The following MB21D2 variants were observed in gnomAD, a reference collection of about 807,000 sequenced individuals.
MB21D2 encodes Mab-21 domain containing 2, also known as nucleotidyltransferase MB21D2.
MB21D2 carries 9 observed loss-of-function variants against 33.3 expected under a neutral mutation model. The ratio of observed to expected loss-of-function variants is 0.27; its 90% CI spans 0.16 to 0.47. The LOEUF (loss-of-function observed/expected upper bound fraction) is 0.47. Among genes scored for constraint, MB21D2 ranks in the 20% least tolerant of loss-of-function variants. The pLI, the probability that MB21D2 is intolerant of heterozygous loss-of-function variation, is 0.99. For synonymous variants in MB21D2, 241 were observed against 236.3 expected (o/e 1.02, Z -0.18); for missense variants, 540 against 624.6 (o/e 0.86, Z 1.44).
At position 192,798,645 on chromosome 3, in the gene MB21D2, T is replaced by A. The variant is rs1482477819; in HGVS notation, c.1217A>T (p.Asp406Val). The A allele has an allele frequency of 5.0e-6, 8 of 1,613,452 alleles. No individual in the cohort carries two copies. The highest frequency in any genetic ancestry group is 6.8e-6 in the Non-Finnish European group (8 of 1,180,012). ...HARKLSSVRS[D>V]PAEHLRTAIE... is the part of the protein sequence containing the mutation. ...GGCGGTGCGCAAGTGCTCTGCCGGG[T>A]CTGAGCGCACAGAGGACAGCTTCCG... Residue 406 changes from aspartate to valine, a missense_variant, in exon 2 of 2, where the codon GAC becomes GTC. Physicochemically the swap from Asp to Val is radical, Grantham distance 152 (BLOSUM62 -3). Coordinates refer to ENST00000392452, the MANE Select transcript of MB21D2 (RefSeq NM_178496.4). This position sits in a 1 kb window ranked among gnomAD's most constrained non-coding sequence, Gnocchi z 4.8.
chr3:192,889,932 A>G (rs1457171621), intron 1 of MB21D2, among the ~76,000 whole-genome samples: 1 of 152,094 alleles, frequency 6.6e-6, no homozygotes, highest in African/African-American at 2.4e-5. Flanking sequence ...TTAGTCAGTT[A>G]GGAAAAAAAA....
intron 1 of MB21D2, among the ~76,000 whole-genome samples, chr3:192,901,221 C>T (rs142365105): frequency 3.3e-5 from 5 of 152,090 alleles, no homozygotes; most frequent in Admixed American, 1.3e-4. Flanking sequence ...TGAGGTTCTA[C>T]ATTGTCCAGA....
intron 1 of MB21D2, among the ~76,000 whole-genome samples, chr3:192,828,615 T>C (rs1560232828): frequency 0.02 from 187 of 9,202 alleles, 19 homozygotes; most frequent in South Asian, 0.044. Context: ...TATATATATA[T>C]ATATATATAT....
At chr3:192,912,191 G>A (rs948664350) in intron 1 of MB21D2, among the ~76,000 whole-genome samples, 10 of 152,218 alleles carry the variant, frequency 6.6e-5, no homozygotes, top group Admixed American at 3.3e-4. Context: ...TAGAGTTGGT[G>A]GGCAAAGGAA....
chr3:192,905,015 C>T (rs1229785452), intron 1 of MB21D2, among the ~76,000 whole-genome samples: 1 of 152,214 alleles, frequency 6.6e-6, no homozygotes, highest in Non-Finnish European at 1.5e-5. Flanking sequence ...GCAGGCTGTG[C>T]ACACCAAGGG....
chr3:192,907,838 C>T (rs557814087), intron 1 of MB21D2, among the ~76,000 whole-genome samples: 31 of 152,082 alleles, frequency 2.0e-4, no homozygotes, highest in African/African-American at 6.5e-4. Context: ...AGAAAGATAA[C>T]GTGTGCCCAC....
intron 1 of MB21D2, among the ~76,000 whole-genome samples, chr3:192,890,374 T>G (rs1713824608): frequency 6.6e-6 from 1 of 152,064 alleles, no homozygotes; most frequent in Non-Finnish European, 1.5e-5. Flanking sequence ...AGGGAAATCA[T>G]AATTTGAGCA....
chr3:192,798,891 G>T lies in MB21D2; in HGVS notation c.971C>A (p.Pro324His), dbSNP rs1240695327. The T allele has an allele frequency of 6.2e-7, 1 of 1,613,590 alleles. No individual in the cohort carries two copies. The highest frequency in any genetic ancestry group is 8.5e-7 in the Non-Finnish European group (1 of 1,179,786). ...KAIIIKLLSR[P>H]KAISPYHLRS... Reference sequence around the variant, plus strand: ...CAGGTGATAGGGGCTAATAGCCTTGGGCCGGGACAGCAGTTTAATGATGAT... The same window carrying T: ...CAGGTGATAGGGGCTAATAGCCTTGTGCCGGGACAGCAGTTTAATGATGAT... The change falls in exon 2 of 2, where the codon CCC becomes CAC. Residue 324 changes from proline (P) to histidine (H), a missense_variant. Physicochemically the swap from Pro to His is moderately conservative, Grantham distance 77. Transcript: ENST00000392452. The surrounding 1 kb of genome is among the most constrained non-coding windows in gnomAD (Gnocchi z 4.8).
intron 1 of MB21D2, among the ~76,000 whole-genome samples, chr3:192,861,857 T>G (rs1326924913): frequency 2.0e-5 from 3 of 152,124 alleles, no homozygotes; most frequent in Non-Finnish European, 4.4e-5. Context: ...ATGAACCATG[T>G]CTCTACTCTC....
intron 1 of MB21D2, among the ~76,000 whole-genome samples, chr3:192,844,670 C>G (rs891429382): frequency 1.3e-5 from 2 of 152,186 alleles, no homozygotes; most frequent in South Asian, 4.1e-4. Context: ...TCAAACAGAG[C>G]TCCCCAATTC....
chr3:192,828,111 T>C (rs1712216980), intron 1 of MB21D2, among the ~76,000 whole-genome samples: 1 of 152,138 alleles, frequency 6.6e-6, no homozygotes, highest in Non-Finnish European at 1.5e-5. Flanking sequence ...CATGTGGAAC[T>C]GTGAGTCCAT....
chr3:192,846,512 A>T (rs1294848758), intron 1 of MB21D2, among the ~76,000 whole-genome samples: 1 of 152,166 alleles, frequency 6.6e-6, no homozygotes, highest in African/African-American at 2.4e-5. Flanking sequence ...TCACATGTAC[A>T]TAAACAAATC....
Position 192,852,807 on chromosome 3 carries a change from A to AC in MB21D2, c.212-53158dup, listed in dbSNP as rs530174965. On this transcript the variant is annotated intron_variant, in intron 1 of 1. Coordinates refer to ENST00000392452, the MANE Select transcript of MB21D2 (RefSeq NM_178496.4). ...AATGAGCTCCCCACCACTGACCCCC[A>AC]CTTCCAGTCACTTTAACCAAGATGC... Among the ~76,000 whole-genome samples the AC allele has an allele frequency of 6.6e-5, 10 of 152,228 alleles. No homozygotes were observed. In the South Asian group the frequency reaches 2.1e-3, roughly 32 times the overall value.
At chr3:192,899,845 G>GCTC in intron 1 of MB21D2, among the ~76,000 whole-genome samples, 2 of 152,198 alleles carry the variant, frequency 1.3e-5, no homozygotes, top group South Asian at 2.1e-4. Flanking sequence ...GGCTGACTGA[G>GCTC]AAGAAGCAGG....
intron 1 of MB21D2, among the ~76,000 whole-genome samples, chr3:192,909,867 G>A (rs1457172818): frequency 6.7e-6 from 1 of 149,442 alleles, no homozygotes; most frequent in African/African-American, 2.5e-5. Flanking sequence ...GGGAAGCGGA[G>A]GTTGCAGTGA....
intron 1 of MB21D2, among the ~76,000 whole-genome samples, chr3:192,865,772 T>C (rs1457878753): frequency 3.3e-5 from 5 of 152,074 alleles, no homozygotes; most frequent in Non-Finnish European, 5.9e-5. Flanking sequence ...CTTTAAGAAG[T>C]TGCTGATCCC....
intron 1 of MB21D2, among the ~76,000 whole-genome samples, chr3:192,879,018 A>T (rs1361756341): frequency 1.3e-5 from 2 of 152,128 alleles, no homozygotes; most frequent in East Asian, 3.9e-4. Context: ...ATTCTAAAGG[A>T]GCCCCCACCC....
chr3:192,871,418 G>A (rs538769159), intron 1 of MB21D2, among the ~76,000 whole-genome samples: 33 of 152,134 alleles, frequency 2.2e-4, no homozygotes, highest in African/African-American at 7.2e-4. Flanking sequence ...CTGTTTACCC[G>A]ACACTGAGAG....
chr3:192,913,987 T>C lies in MB21D2; in HGVS notation c.211+3643A>G, dbSNP rs370171480. 1.5e-4 allele frequency among the ~76,000 whole-genome samples: 23 copies of C among 152,346 alleles called. No homozygotes were observed. In the East Asian group the frequency reaches 3.1e-3, roughly 20 times the overall value. Reference sequence around the variant, plus strand: ...TTATAGAATACTTGAACTCAGACTGTTCCAGAAATCTACTTATATTACGCT... The same window carrying C: ...TTATAGAATACTTGAACTCAGACTGCTCCAGAAATCTACTTATATTACGCT... On this transcript the variant is annotated intron_variant, in intron 1 of 1. Coordinates refer to ENST00000392452, the MANE Select transcript of MB21D2 (RefSeq NM_178496.4).
Sources: allele counts gnomAD v4.1 joint callset (sites outside exome capture counted in the v4.1 genomes callset), GRCh38; gene constraint gnomAD v4.1.1; non-coding constraint Gnocchi (gnomAD v3.1); transcripts MANE v1.5; gene names NCBI Gene and HGNC (gene_info 2026-07-23, HGNC 2026-07-21).